Variants in TENM2 observed in about 807,000 individuals in gnomAD.
TENM2 encodes teneurin-2.
In TENM2, 52 loss-of-function variants were observed where a neutral mutation model predicts 245.2. The ratio of observed to expected loss-of-function variants is 0.21; its 90% CI spans 0.17 to 0.27. TENM2 has a LOEUF of 0.27. TENM2 is among the 10% of genes least tolerant of loss of function. TENM2 has a pLI of 1.00. For synonymous variants in TENM2, 1,363 were observed against 1,438.9 expected, an observed-to-expected ratio of 0.95 and a Z score of 1.19; for missense variants, 3,046 against 3,666.8, an observed-to-expected ratio of 0.83 and a Z score of 4.37.
At chr5:167,707,936 T>A (rs1030406149) in intron 2 of TENM2, among the ~76,000 whole-genome samples, 14 of 152,212 alleles carry the variant, frequency 9.2e-5, no homozygotes, top group African/African-American at 3.4e-4. Context: ...TAGGTATGGT[T>A]TACCAAGGTG....
At chr5:167,800,070 A>G (rs941027974) in intron 2 of TENM2, among the ~76,000 whole-genome samples, 1 of 152,248 alleles carries the variant, frequency 6.6e-6, no homozygotes, top group South Asian at 2.1e-4. Context: ...GGAAAGGTAT[A>G]TGATTACACC....
chr5:167,732,448 G>C (rs1760502936), intron 2 of TENM2, among the ~76,000 whole-genome samples: 2 of 152,152 alleles, frequency 1.3e-5, no homozygotes, highest in Non-Finnish European at 2.9e-5. Flanking sequence ...ATCAATTATA[G>C]GGGAAGAAAA....
At chr5:167,937,072 C>A (rs528878173) in intron 3 of TENM2, among the ~76,000 whole-genome samples, 1 of 152,264 alleles carries the variant, frequency 6.6e-6, no homozygotes, top group South Asian at 2.1e-4. Context: ...TGTGGAATGG[C>A]TAAATCAAGC....
At chr5:167,221,786 A>G in the TENM2 span, among the ~76,000 whole-genome samples, 3 of 152,216 alleles carry the variant, frequency 2.0e-5, no homozygotes, top group Admixed American at 1.3e-4. Context: ...CTTCTGCTTT[A>G]TAACTTATCT....
At chr5:167,750,854 C>T (rs1761912185) in intron 2 of TENM2, among the ~76,000 whole-genome samples, 1 of 152,116 alleles carries the variant, frequency 6.6e-6, no homozygotes. Flanking sequence ...TAGAGCTTAA[C>T]ATTTTTCTGG....
chr5:167,574,995 T>G (rs1774540575), intron 2 of TENM2, among the ~76,000 whole-genome samples: 1 of 152,090 alleles, frequency 6.6e-6, no homozygotes, highest in South Asian at 2.1e-4. Flanking sequence ...TGATTTTTGT[T>G]GCTACTTCTG....
At chr5:168,000,555 T>C (rs1275259687) in intron 5 of TENM2, among the ~76,000 whole-genome samples, 3 of 152,222 alleles carry the variant, frequency 2.0e-5, no homozygotes. Context: ...CAAGCATTCA[T>C]TGAAATGGTA....
chr5:167,205,288 C>T, the TENM2 span, among the ~76,000 whole-genome samples: 6 of 152,020 alleles, frequency 3.9e-5, no homozygotes, highest in Non-Finnish European at 7.4e-5. Flanking sequence ...GGCTGAGGCA[C>T]GAGAATCGCT....
At chr5:167,752,201 T>C (rs908360579) in intron 2 of TENM2, among the ~76,000 whole-genome samples, 29 of 150,842 alleles carry the variant, frequency 1.9e-4, no homozygotes, top group African/African-American at 7.1e-4. Flanking sequence ...TTCAAGCAAT[T>C]CTCCTGCCTC....
intron 12 of TENM2, among the ~76,000 whole-genome samples, chr5:168,147,507 T>C (rs2152417087): frequency 6.6e-6 from 1 of 152,300 alleles, no homozygotes; most frequent in South Asian, 2.1e-4. Flanking sequence ...ACACTATACA[T>C]AGAAACAGCC....
the TENM2 span, among the ~76,000 whole-genome samples, chr5:167,199,097 T>TAA: frequency 0.043 from 3,439 of 79,230 alleles, 191 homozygotes; most frequent in African/African-American, 0.15. Flanking sequence ...TGATATGAAG[T>TAA]AAAAAAAAAA....
At chr5:167,367,059 A>G (rs1268078887) in intron 1 of TENM2, among the ~76,000 whole-genome samples, 2 of 152,128 alleles carry the variant, frequency 1.3e-5, no homozygotes, top group African/African-American at 4.8e-5. Flanking sequence ...GGCTTTGTTC[A>G]GATTGGAATG....
chr5:167,065,341 T>C, the TENM2 span, among the ~76,000 whole-genome samples: 7 of 152,336 alleles, frequency 4.6e-5, no homozygotes, highest in South Asian at 1.4e-3. Flanking sequence ...ACATTTGGTA[T>C]ATGGGATCTT....
intron 2 of TENM2, among the ~76,000 whole-genome samples, chr5:167,802,730 T>C (rs1158308571): frequency 6.6e-6 from 1 of 152,146 alleles, no homozygotes; most frequent in East Asian, 1.9e-4. Context: ...CTTTATTGCA[T>C]CTTCTGATGG....
intron 2 of TENM2, among the ~76,000 whole-genome samples, chr5:167,388,196 G>C (rs540080892): frequency 6.6e-6 from 1 of 151,998 alleles, no homozygotes; most frequent in Non-Finnish European, 1.5e-5. Context: ...CTCACTTCTT[G>C]TTATTGGTCT....
intron 1 of TENM2, among the ~76,000 whole-genome samples, chr5:167,297,177 TAGTG>T (rs1414718140): frequency 1.3e-5 from 2 of 152,270 alleles, no homozygotes; most frequent in Non-Finnish European, 2.9e-5. Context: ...ATACTTAGCA[TAGTG>T]ACTTAGAATC....
chr5:167,657,484 C>T (rs1334166910), intron 2 of TENM2, among the ~76,000 whole-genome samples: 2 of 152,128 alleles, frequency 1.3e-5, no homozygotes, highest in Non-Finnish European at 2.9e-5. Context: ...GTTTCCTTTC[C>T]TTTGGATAAA....
intron 1 of TENM2, among the ~76,000 whole-genome samples, chr5:167,288,775 C>T (rs191641221): frequency 8.3e-4 from 126 of 152,066 alleles, no homozygotes; most frequent in African/African-American, 2.7e-3. Context: ...TGGAAAGAGC[C>T]GGAGATAGGC....
the TENM2 span, among the ~76,000 whole-genome samples, chr5:167,054,915 T>C: frequency 6.6e-6 from 1 of 152,134 alleles, no homozygotes; most frequent in Non-Finnish European, 1.5e-5. Flanking sequence ...GGGGTCTTTG[T>C]AATTTAGGAT....
Sources: gnomAD v4.1 joint callset for allele counts (sites outside exome capture counted in the v4.1 genomes callset) on GRCh38, gnomAD v4.1.1 for gene constraint, MANE v1.5 for transcripts, NCBI Gene and HGNC (gene_info 2026-07-23, HGNC 2026-07-21) for gene names.